KIAA1217: variants seen among roughly 807,000 people sequenced by gnomAD.
The protein encoded by KIAA1217 is KIAA1217, also known as sickle tail protein homolog.
Under a neutral mutation model 163.9 loss-of-function variants are expected in KIAA1217, and 88 were observed. The ratio of observed to expected loss-of-function variants is 0.54; its 90% confidence interval spans 0.45 to 0.64. The LOEUF (loss-of-function observed/expected upper bound fraction) is 0.64. Ranked by LOEUF, KIAA1217 falls within the 30% of genes least tolerant of loss-of-function variation. The pLI is 0.00. For missense variants in KIAA1217, 2,372 were observed against 2,475.0 expected, an observed-to-expected ratio of 0.96 and a Z score of 0.88; for synonymous variants, 903 against 923.1, an observed-to-expected ratio of 0.98 and a Z score of 0.39.
intron 2 of KIAA1217, among the ~76,000 whole-genome samples, chr10:24,137,038 A>C (rs2063858590): frequency 6.6e-6 from 1 of 152,224 alleles, no homozygotes; most frequent in Non-Finnish European, 1.5e-5. Flanking sequence ...AAAATAAGGT[A>C]ACTCTTTTGA....
At chr10:23,838,760 C>T (rs567982272) in intron 1 of KIAA1217, among the ~76,000 whole-genome samples, 95 of 152,270 alleles carry the variant, frequency 6.2e-4, no homozygotes, top group Middle Eastern at 3.4e-3. Context: ...CACACCCAGC[C>T]GCTTAAGATT....
chr10:23,853,007 C>T (rs1839437557), intron 1 of KIAA1217, among the ~76,000 whole-genome samples: 1 of 152,160 alleles, frequency 6.6e-6, no homozygotes. Flanking sequence ...CCCTTTATTT[C>T]CTTCTCCTGC....
intron 3 of KIAA1217, among the ~76,000 whole-genome samples, chr10:24,400,837 TAAGGC>T (rs748866483): frequency 8.0e-4 from 122 of 151,988 alleles, no homozygotes; most frequent in Non-Finnish European, 1.3e-3. Context: ...TTCTGGAAGA[TAAGGC>T]TAGAAAAAAA....
chr10:23,985,962 C>T (rs1381491153), intron 1 of KIAA1217, among the ~76,000 whole-genome samples: 2 of 152,164 alleles, frequency 1.3e-5, no homozygotes, highest in Non-Finnish European at 2.9e-5. Context: ...CCTTGTGCGT[C>T]CCATGGCAGA....
chr10:24,178,637 G>A lies in KIAA1217; in HGVS notation c.-170-40989G>A, dbSNP rs11013935. Among the ~76,000 whole-genome samples the A allele has an allele frequency of 5.4e-3, 826 of 152,324 alleles. 2 individuals carry two copies. The highest frequency in any genetic ancestry group is 9.1e-3 in the Non-Finnish European group (616 of 68,014). On this transcript the variant is annotated intron_variant, in intron 2 of 18. Transcript: ENST00000376462. ...CATAAAATAAGTAAAGGGAGGAAAA[G>A]GGACTCTTCTTATGTTAACTGAGTT...
chr10:23,939,120 T>C (rs1325130888), intron 1 of KIAA1217, among the ~76,000 whole-genome samples: 1 of 151,802 alleles, frequency 6.6e-6, no homozygotes, highest in Non-Finnish European at 1.5e-5. Flanking sequence ...ATACAGCTAA[T>C]AAGCCAACAA....
At position 24,185,348 on chromosome 10, in the gene KIAA1217, G is replaced by T. The variant is rs117622361; in HGVS notation, c.-170-34278G>T. 1.0e-3 allele frequency among the ~76,000 whole-genome samples: 158 copies of T among 151,590 alleles called. 1 individual carries two copies. Among genetic ancestry groups the T allele is most frequent in the Non-Finnish European group, 1.0e-3 (70 of 67,832 alleles). ...AATGAGAATCTCCTCCAAGACATTTGCTTCAGCATCTCCTTGCAAGTCCTC... is the reference window on the plus strand; with the variant it reads ...AATGAGAATCTCCTCCAAGACATTTTCTTCAGCATCTCCTTGCAAGTCCTC... On this transcript the variant is annotated intron_variant, in intron 2 of 18. Transcript: ENST00000376462.
intron 2 of KIAA1217, among the ~76,000 whole-genome samples, chr10:24,192,531 T>A (rs181801571): frequency 2.0e-5 from 3 of 152,294 alleles, no homozygotes; most frequent in Admixed American, 2.0e-4. Context: ...GTTAAGTTCA[T>A]CACATCCCAT....
chr10:24,509,936 T>C (rs1181196038), intron 9 of KIAA1217, among the ~76,000 whole-genome samples: 1 of 152,068 alleles, frequency 6.6e-6, no homozygotes, highest in Non-Finnish European at 1.5e-5. Context: ...ATTGAATAGA[T>C]TGAGGAAGAG....
chr10:24,429,988 T>G (rs373441265), intron 3 of KIAA1217, among the ~76,000 whole-genome samples: 3 of 151,924 alleles, frequency 2.0e-5, no homozygotes, highest in East Asian at 3.9e-4. Flanking sequence ...AAAAAAAATA[T>G]ACAAAAAATT....
intron 2 of KIAA1217, among the ~76,000 whole-genome samples, chr10:24,251,617 A>G (rs886564432): frequency 6.6e-6 from 1 of 152,040 alleles, no homozygotes; most frequent in Non-Finnish European, 1.5e-5. Flanking sequence ...CAGCTGCTGT[A>G]TTAAGATGGG....
intron 1 of KIAA1217, among the ~76,000 whole-genome samples, chr10:23,713,152 C>G (rs1837362515): frequency 6.6e-6 from 1 of 152,056 alleles, no homozygotes; most frequent in African/African-American, 2.4e-5. Context: ...TACTAGGAAG[C>G]CACTGAATAG....
At chr10:24,375,583 T>A (rs2052370423) in intron 2 of KIAA1217, among the ~76,000 whole-genome samples, 1 of 152,192 alleles carries the variant, frequency 6.6e-6, no homozygotes, top group Non-Finnish European at 1.5e-5. Context: ...TGGGTTTGAG[T>A]TGAAAGTTTC....
chr10:24,109,821 T>C (rs1049174254), intron 2 of KIAA1217, among the ~76,000 whole-genome samples: 2 of 152,234 alleles, frequency 1.3e-5, no homozygotes, highest in Non-Finnish European at 2.9e-5. Context: ...TTGGAATCGA[T>C]CAAAACGGAA....
intron 2 of KIAA1217, among the ~76,000 whole-genome samples, chr10:24,017,235 T>C (rs116743629): frequency 0.012 from 1,775 of 152,022 alleles, 39 homozygotes; most frequent in African/African-American, 0.04. Context: ...ACATTTTACA[T>C]TTTTTGTAGA....
chr10:24,382,287 T>A (rs1039736765), intron 3 of KIAA1217, among the ~76,000 whole-genome samples: 4 of 152,054 alleles, frequency 2.6e-5, no homozygotes, highest in Non-Finnish European at 5.9e-5. Context: ...ACAGCTGAAC[T>A]CTGCCATGTA....
At chr10:23,789,913 A>G (rs1055780340) in intron 1 of KIAA1217, among the ~76,000 whole-genome samples, 1 of 139,914 alleles carries the variant, frequency 7.1e-6, no homozygotes. Context: ...ACATATACAT[A>G]TGCATATACA....
At chr10:24,473,102 C>A in intron 5 of KIAA1217, 126 bp from the exon 6 acceptor site, 1 of 628,916 alleles carries the variant, frequency 1.6e-6, no homozygotes, top group Non-Finnish European at 2.7e-6. Context: ...TGTAAGGAAA[C>A]ATATTCACAG....
intron 2 of KIAA1217, among the ~76,000 whole-genome samples, chr10:24,299,571 T>A (rs549276934): frequency 1.4e-3 from 209 of 152,216 alleles, no homozygotes; most frequent in African/African-American, 4.9e-3. Flanking sequence ...GCTAATTTTT[T>A]AATTTTTTTG....
Sources: allele counts gnomAD v4.1 joint callset (sites outside exome capture counted in the v4.1 genomes callset), GRCh38; gene constraint gnomAD v4.1.1; transcripts MANE v1.5; gene names NCBI Gene and HGNC (gene_info 2026-07-23, HGNC 2026-07-21).